The following CBLL1 variants were observed in gnomAD, a reference collection of about 807,000 sequenced individuals.
CBLL1 encodes the protein E3 ubiquitin-protein ligase Hakai.
Under a neutral mutation model 44.9 loss-of-function variants are expected in CBLL1, and 4 were observed. The ratio of observed to expected loss-of-function variants is 0.09; its 90% CI spans 0.04 to 0.20. The LOEUF (loss-of-function observed/expected upper bound fraction) is 0.20. Ranked by LOEUF, CBLL1 falls within the 10% of genes least tolerant of loss-of-function variation. CBLL1 has a pLI of 1.00. For synonymous variants in CBLL1, 235 were observed against 202.2 expected (o/e 1.16, Z -1.38); for missense variants, 569 against 636.7 (o/e 0.89, Z 1.14).
Position 107,748,869 on chromosome 7 carries a change from T to C in CBLL1, c.14-11T>C, listed in dbSNP as rs1344011712. On this transcript the variant is annotated splice_polypyrimidine_tract_variant and intron_variant, in intron 1 of 5. Coordinates refer to ENST00000440859, the MANE Select transcript of CBLL1 (RefSeq NM_024814.4). ...ACTAAAAGAAATTACAACTTTTTTTTCCTAACACAGACAATGAGTTACAAG... is the reference window on the plus strand; with the variant it reads ...ACTAAAAGAAATTACAACTTTTTTTCCCTAACACAGACAATGAGTTACAAG... 3 of 1,567,870 alleles carry C rather than the reference T, an allele frequency of 1.9e-6. No homozygotes were observed. The highest frequency in any genetic ancestry group is 2.6e-6 in the Non-Finnish European group (3 of 1,161,816).
Position 107,759,079 on chromosome 7 carries a change from G to GCCACCACCACCT in CBLL1, c.1382_1393dup (p.Pro461_Pro464dup), listed in dbSNP as rs1793659386. The GCCACCACCACCT allele has an allele frequency of 1.2e-6, 2 of 1,613,522 alleles. No individual in the cohort carries two copies. Among genetic ancestry groups the GCCACCACCACCT allele is most frequent in the African/African-American group, 1.3e-5 (1 of 74,762 alleles). On this transcript the variant is annotated inframe_insertion, in exon 6 of 6. Transcript: ENST00000440859. Reference sequence around the variant, plus strand: ...CTGGTATATGGCCTGCACCAAGAGGGCCACCACCACCTCCACGATTGCAGG... The same window carrying GCCACCACCACCT: ...CTGGTATATGGCCTGCACCAAGAGGGCCACCACCACCTCCACCACCACCTCCACGATTGCAGG...
rs1792873418 is a variant in CBLL1 at position 107,744,167 on chromosome 7, G to A, written c.4G>A (p.Asp2Asn). ...ACTGTGCTCTGCGAGCCGAATCATG[G>A]ATCACACTGGTAAGGAGGCGGAGGC... M[D>N]HTDNELQGTN... The change falls in exon 1 of 6, where the codon GAT (aspartate) becomes AAT (asparagine). Residue 2 changes from aspartate to asparagine, a missense_variant. Around this residue, in one of 5 missense-constraint regions of CBLL1, gnomAD observed 209 missense variants for 202.8 expected, o/e 1.03. Coordinates refer to ENST00000440859, the MANE Select transcript of CBLL1 (RefSeq NM_024814.4). The A allele has an allele frequency of 1.9e-6, 3 of 1,555,172 alleles. No homozygotes were observed. Among genetic ancestry groups the A allele is most frequent in the Admixed American group, 2.0e-5 (1 of 51,142 alleles).
chr7:107,747,993 A>G (rs1017786558), intron 1 of CBLL1, among the ~76,000 whole-genome samples: 11 of 152,184 alleles, frequency 7.2e-5, no homozygotes, highest in African/African-American at 2.7e-4. Context: ...CTTCTTTAGT[A>G]GGTCAAGTTA....
At position 107,750,823 on chromosome 7, in the gene CBLL1, G is replaced by A. The variant is rs893069476; in HGVS notation, c.181+1776G>A. On this transcript the variant is annotated intron_variant, in intron 2 of 5. Coordinates refer to ENST00000440859, the MANE Select transcript of CBLL1 (RefSeq NM_024814.4). ...TCATTCATTTAAGTATTATCTATGG[G>A]GGCTTTCACACTATAATGGTAGAGT... Among the ~76,000 whole-genome samples the A allele has an allele frequency of 2.0e-5, 3 of 151,488 alleles. No homozygotes were observed. The South Asian group carries it at 6.3e-4, about 32-fold the overall frequency.
intron 5 of CBLL1, among the ~76,000 whole-genome samples, chr7:107,757,034 G>A (rs1562865111): frequency 6.6e-6 from 1 of 152,034 alleles, no homozygotes. Context: ...GCCACTAAAG[G>A]GAAGCATAAT....
At chr7:107,752,100 G>A (rs1036803216) in intron 2 of CBLL1, among the ~76,000 whole-genome samples, 3 of 151,472 alleles carry the variant, frequency 2.0e-5, no homozygotes, top group South Asian at 2.1e-4. Flanking sequence ...TCGGGAGGCC[G>A]AGGCAGGAGA....
intron 4 of CBLL1, among the ~76,000 whole-genome samples, chr7:107,754,697 T>G (rs1032391034): frequency 1.3e-5 from 2 of 152,154 alleles, no homozygotes; most frequent in Non-Finnish European, 1.5e-5. Flanking sequence ...TTAATTAACT[T>G]GAAACTACCA....
At chr7:107,744,396 C>T in intron 1 of CBLL1, 1 of 524,956 alleles carries the variant, frequency 1.9e-6, no homozygotes, top group South Asian at 3.1e-5. Context: ...GCAACAACCG[C>T]TCCTACTCTG....
chr7:107,747,234 T>A (rs977030406), intron 1 of CBLL1, among the ~76,000 whole-genome samples: 1 of 152,196 alleles, frequency 6.6e-6, no homozygotes, highest in Non-Finnish European at 1.5e-5. Context: ...CTCTTGAAAG[T>A]GGTAGACTAT....
chr7:107,758,671 G>C lies in CBLL1; in HGVS notation c.969G>C (p.Gln323His), dbSNP rs368161229. ...CTGCTCACCATCATCCTGAATATCA[G>C]GGTCAACCAGTGGTATCGCACCCTC... ...PAPAHHHPEY[Q>H]GQPVVSHPHH... Residue 323 changes from glutamine to histidine, a missense_variant, in exon 6 of 6, where the codon CAG (glutamine) becomes CAC (histidine). Physicochemically the swap from Gln to His is conservative, Grantham distance 24. This residue lies in a region of CBLL1 where 228 missense variants were observed against 253.2 expected (regional missense o/e 0.90). Coordinates refer to ENST00000440859, the MANE Select transcript of CBLL1 (RefSeq NM_024814.4). The surrounding 1 kb of genome is among the most constrained non-coding windows in gnomAD (Gnocchi z 4.2). The C allele has an allele frequency of 6.2e-7, 1 of 1,613,792 alleles. No homozygotes were observed. The highest frequency in any genetic ancestry group is 2.2e-5 in the East Asian group (1 of 44,840).
At chr7:107,746,320 A>T (rs185032968) in intron 1 of CBLL1, among the ~76,000 whole-genome samples, 1 of 152,226 alleles carries the variant, frequency 6.6e-6, no homozygotes, top group Admixed American at 6.5e-5. Flanking sequence ...TCATCTTAAC[A>T]TGAAAATACT....
rs1307617241 is a variant in CBLL1 at position 107,759,546 on chromosome 7, C to T, written c.*368C>T. 1 of 171,744 alleles carries T rather than the reference C, an allele frequency of 5.8e-6. No individual in the cohort carries two copies. The highest frequency in any genetic ancestry group is 2.4e-5 in the African/African-American group (1 of 41,994). The allele number at this position is 171,744 out of a possible 1,614,324, so 10.6% of individuals were successfully genotyped here. On this transcript the variant is annotated 3_prime_UTR_variant, in exon 6 of 6. Transcript: ENST00000440859. The stretch of plus-strand genomic sequence containing the variant: ...TTTTTCTTGTGATACATTTTGTTAA[C>T]CTGTGTAAAAGGATTAAATTTCAAT...
chr7:107,745,376 G>C (rs2129325754), intron 1 of CBLL1, among the ~76,000 whole-genome samples: 1 of 152,298 alleles, frequency 6.6e-6, no homozygotes, highest in South Asian at 2.1e-4. Context: ...AGCATTTCCA[G>C]CAAGTGCGAA....
intron 1 of CBLL1, chr7:107,744,722 G>A (rs189621328): frequency 6.5e-6 from 1 of 153,808 alleles, no homozygotes; most frequent in African/African-American, 2.4e-5. Flanking sequence ...ACTCGGAGCA[G>A]TTTTTCTACC....
intron 1 of CBLL1, among the ~76,000 whole-genome samples, chr7:107,748,380 C>T (rs186733516): frequency 6.6e-6 from 1 of 152,294 alleles, no homozygotes; most frequent in East Asian, 1.9e-4. Context: ...TTCTTAACTT[C>T]ATTTTCAAAC....
At chr7:107,756,691 T>C (rs900577855) in intron 5 of CBLL1, among the ~76,000 whole-genome samples, 1 of 152,146 alleles carries the variant, frequency 6.6e-6, no homozygotes, top group African/African-American at 2.4e-5. Flanking sequence ...AAAAGGAAAT[T>C]AAAAGGTACT....
Position 107,758,928 on chromosome 7 carries a change from C to T in CBLL1, c.1226C>T (p.Pro409Leu). 6.2e-7 allele frequency: 1 copy of T among 1,613,830 alleles called. No homozygotes were observed. Among genetic ancestry groups the T allele is most frequent in the Non-Finnish European group, 8.5e-7 (1 of 1,179,878 alleles). Residue 409 changes from proline (P) to leucine (L), a missense_variant, in exon 6 of 6, where the codon CCT (proline) becomes CTT (leucine). Pro to Leu is a moderately conservative substitution (Grantham distance 98). Around this residue, in one of 5 missense-constraint regions of CBLL1, gnomAD observed 228 missense variants for 253.2 expected, o/e 0.90. Coordinates refer to ENST00000440859, the MANE Select transcript of CBLL1 (RefSeq NM_024814.4). The surrounding 1 kb of genome is among the most constrained non-coding windows in gnomAD (Gnocchi z 4.2). ...CATCCTCCTCCAGGACCTCCCCCAC[C>T]TCAACATGGTGGTCCACCTGTAACT... ...MNHPPPGPPP[P>L]QHGGPPVTAP... is the part of the protein sequence containing the mutation.
Position 107,758,478 on chromosome 7 carries a change from A to T in CBLL1, c.776A>T (p.Asp259Val). ...PHEHYNQPHE[D>V]IRAPPAELSM... ...GAGCACTATAATCAGCCACATGAGG[A>T]TATTCGTGCTCCTCCAGCAGAATTG... Residue 259 changes from aspartate to valine, a missense_variant, in exon 6 of 6, where the codon GAT becomes GTT. Coordinates refer to ENST00000440859, the MANE Select transcript of CBLL1 (RefSeq NM_024814.4). This position sits in a 1 kb window ranked among gnomAD's most constrained non-coding sequence, Gnocchi z 4.2. 4 of 1,614,118 alleles carry T rather than the reference A, an allele frequency of 2.5e-6. No homozygotes were observed. Among genetic ancestry groups the T allele is most frequent in the Non-Finnish European group, 3.4e-6 (4 of 1,180,018 alleles).
intron 1 of CBLL1, 164 bp downstream of exon 1, chr7:107,744,340 G>A (rs754182383): frequency 4.6e-4 from 394 of 865,650 alleles, no homozygotes; most frequent in Middle Eastern, 1.8e-3. Flanking sequence ...GGGGCCTGCG[G>A]TTTCCTGGCC....
Sources: gnomAD v4.1 joint callset for allele counts (sites outside exome capture counted in the v4.1 genomes callset) on GRCh38, gnomAD v4.1.1 for gene constraint, gnomAD v4.1.1 regional missense constraint, Gnocchi (gnomAD v3.1) non-coding constraint, MANE v1.5 for transcripts, NCBI Gene and HGNC (gene_info 2026-07-23, HGNC 2026-07-21) for gene names.